TBC1D5: variants seen among roughly 807,000 people sequenced by gnomAD.
TBC1D5 encodes TBC1 domain family, member 5.
Under a neutral mutation model 100.3 loss-of-function variants are expected in TBC1D5, and 75 were observed. That is an observed-to-expected ratio of 0.75 (90% CI 0.62 to 0.91). TBC1D5 has a LOEUF of 0.91. TBC1D5 is among the 40% of genes least tolerant of loss of function. The pLI is 0.00. For missense variants in TBC1D5, 910 were observed against 942.4 expected (o/e 0.97, Z 0.45); for synonymous variants, 323 against 325.6 (o/e 0.99, Z 0.09).
chr3:17,166,994 A>G, intron 20 of TBC1D5, 66 bp from the exon 22 acceptor site: 1 of 1,444,058 alleles, frequency 6.9e-7, no homozygotes, highest in Non-Finnish European at 9.3e-7. Flanking sequence ...TGCTAGCTAA[A>G]TCTCTCAGAC....
intron 1 of TBC1D5, among the ~76,000 whole-genome samples, chr3:17,643,433 C>T (rs1270670519): frequency 6.6e-5 from 10 of 151,990 alleles, no homozygotes; most frequent in Admixed American, 6.6e-4. Flanking sequence ...CTTTTTAGAC[C>T]TATACAAATA....
At chr3:17,690,014 A>G (rs1199011093) in intron 1 of TBC1D5, among the ~76,000 whole-genome samples, 1 of 152,212 alleles carries the variant, frequency 6.6e-6, no homozygotes, top group Non-Finnish European at 1.5e-5. Flanking sequence ...GAATAAAAGA[A>G]TTGTTGCTAT....
At chr3:17,658,657 C>A (rs2066341140) in intron 1 of TBC1D5, among the ~76,000 whole-genome samples, 1 of 152,062 alleles carries the variant, frequency 6.6e-6, no homozygotes, top group Non-Finnish European at 1.5e-5. Flanking sequence ...ATATCTGAGA[C>A]AGTTATAGCT....
chr3:17,232,679 C>T (rs1406098106), intron 17 of TBC1D5, among the ~76,000 whole-genome samples: 1 of 152,072 alleles, frequency 6.6e-6, no homozygotes, highest in Non-Finnish European at 1.5e-5. Flanking sequence ...AAAGCTTACT[C>T]CTCTATTGCC....
intron 17 of TBC1D5, among the ~76,000 whole-genome samples, chr3:17,224,952 A>G (rs1042606906): frequency 1.3e-5 from 2 of 152,200 alleles, no homozygotes; most frequent in African/African-American, 4.8e-5. Context: ...CATTAAAAAC[A>G]TATGTTTCTC....
intron 3 of TBC1D5, among the ~76,000 whole-genome samples, chr3:17,444,585 A>G (rs531196643): frequency 5.3e-5 from 8 of 152,060 alleles, no homozygotes; most frequent in Non-Finnish European, 7.4e-5. Flanking sequence ...AAATCCTTCC[A>G]TGGCTGCCTT....
chr3:17,276,598 A>G (rs906037372), intron 15 of TBC1D5, among the ~76,000 whole-genome samples: 1 of 152,190 alleles, frequency 6.6e-6, no homozygotes, highest in Non-Finnish European at 1.5e-5. Flanking sequence ...CTCAGGATGT[A>G]AGATTGAGGG....
At chr3:17,254,615 G>T (rs144490300) in intron 16 of TBC1D5, among the ~76,000 whole-genome samples, 1 of 152,094 alleles carries the variant, frequency 6.6e-6, no homozygotes, top group Admixed American at 6.5e-5. Flanking sequence ...TTACTCCCAA[G>T]TATGTGACTT....
chr3:17,191,815 G>A (rs1384087613), intron 18 of TBC1D5, among the ~76,000 whole-genome samples: 1 of 151,584 alleles, frequency 6.6e-6, no homozygotes, highest in Non-Finnish European at 1.5e-5. Context: ...GTAGAGATGG[G>A]GTTTCACTAT....
chr3:17,297,852 AGTGCTGG>A (rs2082419523), intron 14 of TBC1D5, among the ~76,000 whole-genome samples: 1 of 151,900 alleles, frequency 6.6e-6, no homozygotes, highest in African/African-American at 2.4e-5. Context: ...GGCCTCCCAA[AGTGCTGG>A]GATTACAGGC....
intron 14 of TBC1D5, among the ~76,000 whole-genome samples, chr3:17,298,544 A>G (rs534892321): frequency 2.2e-4 from 33 of 152,192 alleles, no homozygotes; most frequent in Non-Finnish European, 4.6e-4. Flanking sequence ...AGTGGCTCCT[A>G]TGGCAGGGGT....
intron 13 of TBC1D5, among the ~76,000 whole-genome samples, chr3:17,354,802 G>A (rs746807754): frequency 6.0e-5 from 9 of 151,256 alleles, no homozygotes; most frequent in African/African-American, 1.7e-4. Flanking sequence ...CATAATTACC[G>A]TGTATAAATA....
chr3:17,654,530 A>C (rs1355377221), intron 1 of TBC1D5, among the ~76,000 whole-genome samples: 1 of 152,180 alleles, frequency 6.6e-6, no homozygotes, highest in Non-Finnish European at 1.5e-5. Flanking sequence ...ATGGTGGATA[A>C]GCTTTTTGAT....
intron 1 of TBC1D5, among the ~76,000 whole-genome samples, chr3:17,658,672 T>C (rs1224139946): frequency 6.6e-6 from 1 of 152,192 alleles, no homozygotes; most frequent in Non-Finnish European, 1.5e-5. Flanking sequence ...ATAGCTTTTT[T>C]TTTAGACAGG....
At chr3:17,179,060 A>C (rs1198757621) in intron 19 of TBC1D5, among the ~76,000 whole-genome samples, 1 of 152,052 alleles carries the variant, frequency 6.6e-6, no homozygotes, top group Non-Finnish European at 1.5e-5. Flanking sequence ...TGATCCTCCC[A>C]CCTCAGCATT....
intron 1 of TBC1D5, among the ~76,000 whole-genome samples, chr3:17,655,008 C>A (rs1334189048): frequency 6.6e-6 from 1 of 151,276 alleles, no homozygotes; most frequent in Non-Finnish European, 1.5e-5. Context: ...GTGGTGATAT[C>A]CCCTTTATCA....
intron 14 of TBC1D5, among the ~76,000 whole-genome samples, chr3:17,297,097 G>A (rs1459767167): frequency 6.6e-6 from 1 of 152,198 alleles, no homozygotes; most frequent in Non-Finnish European, 1.5e-5. Flanking sequence ...AATTGCCAGT[G>A]GCTAGTGTGT....
chr3:17,591,052 C>A (rs953163797), intron 2 of TBC1D5, among the ~76,000 whole-genome samples: 1 of 151,584 alleles, frequency 6.6e-6, no homozygotes, highest in Non-Finnish European at 1.5e-5. Flanking sequence ...CTGGCTAACA[C>A]GGTGAAACTC....
At chr3:17,552,923 C>A (rs539671818) in intron 2 of TBC1D5, among the ~76,000 whole-genome samples, 2 of 152,068 alleles carry the variant, frequency 1.3e-5, no homozygotes, top group Non-Finnish European at 2.9e-5. Flanking sequence ...TATATCCTAA[C>A]GCATAACATG....
Sources: gnomAD v4.1 joint callset for allele counts (sites outside exome capture counted in the v4.1 genomes callset) on GRCh38, gnomAD v4.1.1 for gene constraint, MANE v1.5 for transcripts, NCBI Gene and HGNC (gene_info 2026-07-23, HGNC 2026-07-21) for gene names.